The following ZNF121 variants were observed in gnomAD, a reference collection of about 807,000 sequenced individuals.
ZNF121 encodes the protein zinc finger protein 121 (clone ZHC32).
In ZNF121, 1 loss-of-function variant was observed where a neutral mutation model predicts 2.4. The ratio of observed to expected loss-of-function variants is 0.41; its 90% CI spans 0.15 to 1.94. The LOEUF is 1.94. Among genes scored for constraint, ZNF121 ranks in the 30% most tolerant of loss-of-function variants. ZNF121 has a pLI of 0.30. For synonymous variants in ZNF121, 173 were observed against 158.6 expected, an observed-to-expected ratio of 1.09 and a Z score of -0.68; for missense variants, 369 against 466.3, an observed-to-expected ratio of 0.79 and a Z score of 1.92.
At chr19:9,580,205 T>C (rs951749326) in intron 1 of ZNF121, among the ~76,000 whole-genome samples, 19 of 151,624 alleles carry the variant, frequency 1.3e-4, no homozygotes, top group African/African-American at 4.4e-4. Flanking sequence ...GGCAGGAGAA[T>C]GGCGTGAACT....
chr19:9,578,664 T>A (rs1008306208), intron 1 of ZNF121, among the ~76,000 whole-genome samples: 1 of 152,164 alleles, frequency 6.6e-6, no homozygotes, highest in African/African-American at 2.4e-5. Flanking sequence ...ATGAACTAGA[T>A]GCCATCTCTC....
At chr19:9,582,201 G>A (rs1296109964) in intron 1 of ZNF121, among the ~76,000 whole-genome samples, 1 of 152,128 alleles carries the variant, frequency 6.6e-6, no homozygotes, top group Non-Finnish European at 1.5e-5. Flanking sequence ...CCAGCTACTA[G>A]GTGTCAGGCC....
intron 3 of ZNF121, chr19:9,567,600 C>A (rs898548734): frequency 1.9e-5 from 5 of 259,070 alleles, no homozygotes; most frequent in African/African-American, 4.4e-5. Context: ...GACTTTATTT[C>A]TATTATTATT....
chr19:9,566,489 G>A lies in ZNF121; in HGVS notation c.624C>T (p.Ala208=). 1 of 1,613,978 alleles carries A rather than the reference G, an allele frequency of 6.2e-7. No homozygotes were observed. The change falls in exon 4 of 4, where the codon GCC becomes GCT. Residue 208 remains alanine, a synonymous_variant. Coordinates refer to ENST00000320451, the MANE Select transcript of ZNF121 (RefSeq NM_001008727.5). ...KPYQCKECGR[A]FAGRSGLTKH... Reference sequence around the variant, plus strand: ...TAGTAAGGCCTGAGCGCCCAGCGAAGGCTCTTCCACATTCCTTACATTGAT... The same window carrying A: ...TAGTAAGGCCTGAGCGCCCAGCGAAAGCTCTTCCACATTCCTTACATTGAT...
Position 9,564,327 on chromosome 19 carries a change from G to C in ZNF121, c.*1613C>G, listed in dbSNP as rs1237655156. 6.6e-6 allele frequency: 1 copy of C among 152,054 alleles called. No homozygotes were observed. Among genetic ancestry groups the C allele is most frequent in the South Asian group, 2.1e-4 (1 of 4,820 alleles). The allele number at this position is 152,054 out of a possible 1,614,324, so 9.4% of individuals were successfully genotyped here. Reference sequence around the variant, plus strand: ...GCTACAGTGTGCTCTCATCGTGCTGGTGAATACCCACTTGTACTCCAGCAT... The same window carrying C: ...GCTACAGTGTGCTCTCATCGTGCTGCTGAATACCCACTTGTACTCCAGCAT... On this transcript the variant is annotated 3_prime_UTR_variant, in exon 4 of 4. Coordinates refer to ENST00000320451, the MANE Select transcript of ZNF121 (RefSeq NM_001008727.5).
chr19:9,572,193 C>T (rs2074179129), intron 1 of ZNF121, among the ~76,000 whole-genome samples: 1 of 152,126 alleles, frequency 6.6e-6, no homozygotes, highest in African/African-American at 2.4e-5. Context: ...AAATTATCAC[C>T]AGCAATATCC....
intron 1 of ZNF121, among the ~76,000 whole-genome samples, chr19:9,576,782 G>C (rs1334844798): frequency 6.6e-6 from 1 of 151,970 alleles, no homozygotes; most frequent in East Asian, 1.9e-4. Context: ...AAAGAAAACA[G>C]AACAGAAACC....
chr19:9,567,784 A>T (rs540264910), intron 3 of ZNF121: 62 of 271,764 alleles, frequency 2.3e-4, no homozygotes, highest in Non-Finnish European at 3.8e-4. Flanking sequence ...GGTGGTTCAC[A>T]GTAAGGTTTG....
At chr19:9,579,941 T>C (rs989332308) in intron 1 of ZNF121, among the ~76,000 whole-genome samples, 1 of 152,184 alleles carries the variant, frequency 6.6e-6, no homozygotes, top group African/African-American at 2.4e-5. Context: ...AAAACTTTTT[T>C]TGAATTTTCA....
At chr19:9,579,675 A>G (rs902044836) in intron 1 of ZNF121, among the ~76,000 whole-genome samples, 2 of 152,202 alleles carry the variant, frequency 1.3e-5, no homozygotes, top group African/African-American at 4.8e-5. Context: ...CTAGAAAAAA[A>G]AGAGAGGTTG....
At chr19:9,580,021 G>C (rs1338105461) in intron 1 of ZNF121, among the ~76,000 whole-genome samples, 1 of 152,080 alleles carries the variant, frequency 6.6e-6, no homozygotes, top group Non-Finnish European at 1.5e-5. Context: ...GCCAGGCGCG[G>C]GTGGCTCACA....
At position 9,565,718 on chromosome 19, in the gene ZNF121, TAATAA is replaced by T; in HGVS notation, c.*217_*221del. 4.6e-6 allele frequency: 1 copy of T among 218,914 alleles called. No homozygotes were observed. Among genetic ancestry groups the T allele is most frequent in the Non-Finnish European group, 8.4e-6 (1 of 119,046 alleles). The allele number at this position is 218,914 out of a possible 1,614,324, so 13.6% of individuals were successfully genotyped here. A position where few individuals can be genotyped will look rare whatever the true frequency, so the allele number is the denominator to read the frequency against. On this transcript the variant is annotated 3_prime_UTR_variant, in exon 4 of 4. Transcript: ENST00000320451. The stretch of plus-strand genomic sequence containing the variant: ...TAAAATAAAATAAAATAAAATAAAA[TAATAA>T]AAAAAGATTCCATTGGCTCCCTAAC...
At chr19:9,577,919 G>A (rs147660498) in intron 1 of ZNF121, among the ~76,000 whole-genome samples, 2,700 of 151,956 alleles carry the variant, frequency 0.018, 79 homozygotes, top group African/African-American at 0.061. Flanking sequence ...TGGGCCGGGC[G>A]TGGTGGCTCA....
At chr19:9,573,838 G>A (rs2074190847) in intron 1 of ZNF121, among the ~76,000 whole-genome samples, 1 of 152,074 alleles carries the variant, frequency 6.6e-6, no homozygotes, top group South Asian at 2.1e-4. Context: ...CCAGAAGGGA[G>A]TAGGATGACA....
At chr19:9,578,858 TCTCCACAGC>T (rs751323771) in intron 1 of ZNF121, among the ~76,000 whole-genome samples, 1 of 151,112 alleles carries the variant, frequency 6.6e-6, no homozygotes, top group Non-Finnish European at 1.5e-5. Flanking sequence ...ACTAAAAACT[TCTCCACAGC>T]AAAACAATCA....
intron 2 of ZNF121, among the ~76,000 whole-genome samples, chr19:9,568,536 G>A (rs779097274): frequency 8.6e-5 from 13 of 151,848 alleles, no homozygotes; most frequent in African/African-American, 1.7e-4. Context: ...CACCAGGCCC[G>A]GCTAATTTTT....
At chr19:9,576,847 TTG>T (rs1280383900) in intron 1 of ZNF121, among the ~76,000 whole-genome samples, 4 of 152,028 alleles carry the variant, frequency 2.6e-5, no homozygotes, top group Non-Finnish European at 5.9e-5. Flanking sequence ...TGCCAACAAA[TTG>T]ATAAGCCTGG....
Position 9,566,802 on chromosome 19 carries a change from T to G in ZNF121, c.311A>C (p.Gln104Pro), listed in dbSNP as rs375068181. The G allele has an allele frequency of 3.7e-6, 6 of 1,614,088 alleles. No homozygotes were observed. The highest frequency in any genetic ancestry group is 5.1e-6 in the Non-Finnish European group (6 of 1,180,030). ...EEAFVDQSHL[Q>P]ANRITHNGET... is the part of the protein sequence containing the mutation. ...TCCATTGTGAGTTATCCTATTTGCC[T>G]GAAGATGTGACTGATCAACAAAGGC... Residue 104 changes from glutamine (Q) to proline (P), a missense_variant, in exon 4 of 4, where the codon CAG becomes CCG. Around this residue, in one of 4 missense-constraint regions of ZNF121, gnomAD observed 168 missense variants for 162.3 expected, o/e 1.03. Transcript: ENST00000320451.
rs1198776889 is a variant in ZNF121, at chr19:9,566,907, T to C, written c.206A>G (p.Lys69Arg). Residue 69 changes from lysine to arginine, a missense_variant, in exon 4 of 4, where the codon AAA becomes AGA. By Grantham distance (26) the Lys-to-Arg change is conservative. Transcript: ENST00000320451. ...AACATTTGGTGGCAGGCTGAAGGCT[T>C]TTCTGCACTGATTCAACACAGAAAG... ...ETLSVLNQCRKAFSLPPNVHQ... is the reference protein window; with the variant it reads ...ETLSVLNQCRRAFSLPPNVHQ... The C allele has an allele frequency of 6.2e-7, 1 of 1,614,084 alleles. No homozygotes were observed. The highest frequency in any genetic ancestry group is 8.5e-7 in the Non-Finnish European group (1 of 1,180,036).
Sources: allele counts gnomAD v4.1 joint callset (sites outside exome capture counted in the v4.1 genomes callset), GRCh38; gene constraint gnomAD v4.1.1; regional missense constraint gnomAD v4.1.1; transcripts MANE v1.5; gene names NCBI Gene and HGNC (gene_info 2026-07-23, HGNC 2026-07-21).